Variants in CDC42EP3 observed in about 807,000 individuals in gnomAD.
CDC42EP3 encodes the protein CDC42 effector protein (Rho GTPase binding) 3.
In CDC42EP3, 4 loss-of-function variants were observed where a neutral mutation model predicts 15.5. The observed-to-expected ratio is 0.26, with a 90% CI of 0.13 to 0.59. The LOEUF (loss-of-function observed/expected upper bound fraction) is 0.59, where lower values mean the gene tolerates loss of function less well. CDC42EP3 is among the 20% of genes least tolerant of loss of function. The pLI is 0.89. For synonymous variants in CDC42EP3, 145 were observed against 130.3 expected (o/e 1.11, Z -0.77); for missense variants, 309 against 311.2 (o/e 0.99, Z 0.05).
chr2:37,668,893 C>T (rs940563882), intron 1 of CDC42EP3, among the ~76,000 whole-genome samples: 13 of 152,152 alleles, frequency 8.5e-5, no homozygotes, highest in East Asian at 5.8e-4. Flanking sequence ...AATTCTTGGT[C>T]TTCTATGGCT....
chr2:37,664,257 G>A (rs529218254), intron 1 of CDC42EP3, among the ~76,000 whole-genome samples: 19 of 152,294 alleles, frequency 1.2e-4, no homozygotes, highest in African/African-American at 2.6e-4. Context: ...TTTTTCTCCC[G>A]TGCTGGATGC....
chr2:37,661,620 T>C (rs1388886688), intron 1 of CDC42EP3, among the ~76,000 whole-genome samples: 1 of 152,130 alleles, frequency 6.6e-6, no homozygotes, highest in African/African-American at 2.4e-5. Flanking sequence ...CGCAGAATGG[T>C]GCAGGCTCTG....
intron 1 of CDC42EP3, among the ~76,000 whole-genome samples, chr2:37,669,852 A>C (rs933425073): frequency 6.6e-6 from 1 of 152,188 alleles, no homozygotes; most frequent in Non-Finnish European, 1.5e-5. Context: ...TGACTATAGA[A>C]AGGGCCTTTA....
Position 37,646,811 on chromosome 2 carries a change from A to T in CDC42EP3, c.-224T>A, listed in dbSNP as rs1235323849. ...GTTACATCATCCAGTCTTGACCACA[A>T]CCAGGACAAACCTGCAGAAGAAACC... On this transcript the variant is annotated 5_prime_UTR_variant, in exon 2 of 2. In the 5' UTR this introduces an upstream ATG that the reference lacks. Coordinates refer to ENST00000295324, the MANE Select transcript of CDC42EP3 (RefSeq NM_006449.5). 5 of 439,616 alleles carry T rather than the reference A, an allele frequency of 1.1e-5. No homozygotes were observed. Among genetic ancestry groups the T allele is most frequent in the Middle Eastern group, 6.4e-4 (1 of 1,566 alleles). The allele number at this position is 439,616 out of a possible 1,614,324, so 27.2% of individuals were successfully genotyped here.
At chr2:37,665,912 G>A (rs986815341) in intron 1 of CDC42EP3, among the ~76,000 whole-genome samples, 3 of 152,170 alleles carry the variant, frequency 2.0e-5, no homozygotes, top group African/African-American at 7.2e-5. Context: ...CAAATGCTAC[G>A]TTTTAGGGAT....
At position 37,646,330 on chromosome 2, in the gene CDC42EP3, C is replaced by T. The variant is rs1348010984; in HGVS notation, c.258G>A (p.Arg86=). ...ACACAGAGTCCGAGGTGCTGTTGGC[C>T]CGGAAGAACTCATTATGCCCAGGGA... ...GQFPGHNEFF[R]ANSTSDSVFT... The change falls in exon 2 of 2, where the codon CGG becomes CGA. Residue 86 remains arginine, a synonymous_variant. Coordinates refer to ENST00000295324, the MANE Select transcript of CDC42EP3 (RefSeq NM_006449.5). 1.2e-6 allele frequency: 2 copies of T among 1,614,016 alleles called. No homozygotes were observed. The highest frequency in any genetic ancestry group is 3.3e-5 in the Admixed American group (2 of 60,016).
chr2:37,666,816 T>C (rs1666265221), intron 1 of CDC42EP3, among the ~76,000 whole-genome samples: 1 of 147,536 alleles, frequency 6.8e-6, no homozygotes, highest in African/African-American at 2.6e-5. Context: ...GAGAAAGCTT[T>C]TTTTTTTTTT....
intron 1 of CDC42EP3, among the ~76,000 whole-genome samples, chr2:37,661,588 A>G (rs1666059084): frequency 6.6e-6 from 1 of 152,296 alleles, no homozygotes; most frequent in African/African-American, 2.4e-5. Flanking sequence ...TTGGGTTAAC[A>G]TTAATTATAT....
intron 1 of CDC42EP3, among the ~76,000 whole-genome samples, chr2:37,665,533 A>G (rs970732019): frequency 6.6e-6 from 1 of 152,236 alleles, no homozygotes; most frequent in Admixed American, 6.5e-5. Flanking sequence ...CATTTCACCA[A>G]AAATGCCTCT....
At chr2:37,655,449 C>T (rs1363027107) in intron 1 of CDC42EP3, among the ~76,000 whole-genome samples, 1 of 152,206 alleles carries the variant, frequency 6.6e-6, no homozygotes, top group African/African-American at 2.4e-5. Context: ...AGAAGGTCCA[C>T]CTCACATAGC....
At chr2:37,671,824 G>GT (rs1230447654), upstream of CDC42EP3, 9 of 150,886 alleles carry the variant, frequency 6.0e-5, 1 homozygote, top group South Asian at 9.6e-4. Context: ...CGCGCGCGGG[G>GT]GGGGGTCACC....
rs1379568943 is a variant in CDC42EP3, at chr2:37,642,829, T to C, written c.*2994A>G. On this transcript the variant is annotated 3_prime_UTR_variant, in exon 2 of 2. Transcript: ENST00000295324. ...CTGTGATTCTGGAGACCCGGGTTTC[T>C]CTTTGCTGTTCAACCAGTGTAGTCT... The C allele has an allele frequency of 2.0e-5, 3 of 152,226 alleles. No individual in the cohort carries two copies. Among genetic ancestry groups the C allele is most frequent in the Admixed American group, 2.0e-4 (3 of 15,284 alleles). The allele number at this position is 152,226 out of a possible 1,614,324, so 9.4% of individuals were successfully genotyped here.
chr2:37,657,736 T>G (rs1665923007), intron 1 of CDC42EP3, among the ~76,000 whole-genome samples: 1 of 152,194 alleles, frequency 6.6e-6, no homozygotes, highest in Non-Finnish European at 1.5e-5. Flanking sequence ...GGTTCTCAAC[T>G]GAGGGTGATA....
At chr2:37,658,765 T>C (rs1030068115) in intron 1 of CDC42EP3, among the ~76,000 whole-genome samples, 14 of 152,290 alleles carry the variant, frequency 9.2e-5, no homozygotes, top group African/African-American at 3.4e-4. Context: ...TCATCCCTGC[T>C]CCATCAGCCT....
chr2:37,647,847 T>G (rs1293561767), intron 1 of CDC42EP3, among the ~76,000 whole-genome samples: 1 of 152,194 alleles, frequency 6.6e-6, no homozygotes, highest in African/African-American at 2.4e-5. Flanking sequence ...CAAGGGCCTA[T>G]GGAAATGAAA....
At chr2:37,669,574 G>A (rs1490433551) in intron 1 of CDC42EP3, among the ~76,000 whole-genome samples, 4 of 152,188 alleles carry the variant, frequency 2.6e-5, no homozygotes, top group African/African-American at 7.2e-5. Context: ...TCAGATTGAG[G>A]GAAAGAGGAG....
rs963144784 is a variant in CDC42EP3, at chr2:37,663,179, C to G, written c.-236+8247G>C. ...GTGAAACTCGGTCTCAAAAACAAAACAAAACAAAACAAAACAAAAAAAACA... is the reference window on the plus strand; with the variant it reads ...GTGAAACTCGGTCTCAAAAACAAAAGAAAACAAAACAAAACAAAAAAAACA... On this transcript the variant is annotated intron_variant, in intron 1 of 1. Transcript: ENST00000295324. 1.2e-4 allele frequency among the ~76,000 whole-genome samples: 15 copies of G among 124,812 alleles called. No individual in the cohort carries two copies. In the South Asian group the frequency reaches 1.6e-3, roughly 13 times the overall value. The allele number at this position is 124,812 out of a possible 152,430, so 81.9% of individuals were successfully genotyped here. A position where few individuals can be genotyped will look rare whatever the true frequency, so the allele number is the denominator to read the frequency against.
intron 1 of CDC42EP3, among the ~76,000 whole-genome samples, chr2:37,669,900 AACT>A (rs749299374): frequency 9.2e-5 from 14 of 152,228 alleles, no homozygotes; most frequent in Non-Finnish European, 1.5e-4. Context: ...AATATTTCAC[AACT>A]ACTCCAACTT....
In CDC42EP3 at chr2:37,642,324, C is replaced by T. The variant is rs954861087; in HGVS notation, c.*3499G>A. 5.9e-5 allele frequency: 9 copies of T among 152,218 alleles called. No homozygotes were observed. The highest frequency in any genetic ancestry group is 1.3e-4 in the Non-Finnish European group (9 of 68,034). 9.4% of individuals were successfully genotyped at this position (152,218 alleles called of 1,614,324 possible). A position where few individuals can be genotyped will look rare whatever the true frequency, so the allele number is the denominator to read the frequency against. Reference sequence around the variant, plus strand: ...TATTCTGGCCTTCCTGAATCTCATACAGCCAAACCAACCAGAAGGCTTCCC... The same window carrying T: ...TATTCTGGCCTTCCTGAATCTCATATAGCCAAACCAACCAGAAGGCTTCCC... On this transcript the variant is annotated 3_prime_UTR_variant, in exon 2 of 2. Transcript: ENST00000295324.
Sources: gnomAD v4.1 joint callset for allele counts (sites outside exome capture counted in the v4.1 genomes callset) on GRCh38, gnomAD v4.1.1 for gene constraint, MANE v1.5 for transcripts, NCBI Gene and HGNC (gene_info 2026-07-23, HGNC 2026-07-21) for gene names.